The following VPS35 variants were observed in gnomAD, a reference collection of about 807,000 sequenced individuals.
The protein encoded by VPS35 is vacuolar protein sorting-associated protein 35.
A neutral mutation model predicts 98.1 loss-of-function variants in VPS35; 21 were observed. The ratio of observed to expected loss-of-function variants is 0.21; its 90% CI spans 0.15 to 0.31. The LOEUF is 0.31. Among genes scored for constraint, VPS35 ranks in the 10% least tolerant of loss-of-function variants. The pLI is 1.00. For missense variants in VPS35, 554 were observed against 950.8 expected (o/e 0.58, Z 5.49); for synonymous variants, 268 against 318.2 (o/e 0.84, Z 1.68).
intron 1 of VPS35, among the ~76,000 whole-genome samples, chr16:46,685,136 T>C (rs903611824): frequency 1.3e-5 from 2 of 152,344 alleles, no homozygotes; most frequent in Non-Finnish European, 1.5e-5. Context: ...ACTTTATAAA[T>C]TGTTCACTTT....
chr16:46,667,992 G>A (rs1486359524), intron 13 of VPS35, among the ~76,000 whole-genome samples: 5 of 152,104 alleles, frequency 3.3e-5, no homozygotes, highest in African/African-American at 9.7e-5. Flanking sequence ...ATCCATAAAC[G>A]CTGGTAAAGA....
Position 46,676,637 on chromosome 16 carries a change from G to A in VPS35, c.860C>T (p.Ala287Val). 1 of 1,613,198 alleles carries A rather than the reference G, an allele frequency of 6.2e-7. No homozygotes were observed. Among genetic ancestry groups the A allele is most frequent in the Admixed American group, 1.7e-5 (1 of 59,988 alleles). The change falls in exon 8 of 17, where the codon GCT becomes GTT. Residue 287 changes from alanine to valine, a missense_variant. By Grantham distance (64) the Ala-to-Val change is moderately conservative. Around this residue, in one of 5 missense-constraint regions of VPS35, gnomAD observed 254 missense variants for 390.1 expected, o/e 0.65. Coordinates refer to ENST00000299138, the MANE Select transcript of VPS35 (RefSeq NM_018206.6). ...QTLNPFLRAC[A>V]ELHQNVNVKN... The stretch of plus-strand genomic sequence containing the variant: ...CACATTTACATTCTGGTGTAACTCA[G>A]CACAGGCCCGAAGAAAAGGATTCAA...
rs1966084391 is a variant in VPS35, at chr16:46,672,488, C to A, written c.1161-16G>T. On this transcript the variant is annotated splice_polypyrimidine_tract_variant and intron_variant, in intron 10 of 16. Coordinates refer to ENST00000299138, the MANE Select transcript of VPS35 (RefSeq NM_018206.6). ...GGTAGCAATACTACAAAAAGAAAAA[C>A]AGAAGTCTTAATGAATAAAATTAAC... is the stretch of plus-strand genomic sequence containing the variant. 1 of 1,605,106 alleles carries A rather than the reference C, an allele frequency of 6.2e-7. No homozygotes were observed. Among genetic ancestry groups the A allele is most frequent in the Non-Finnish European group, 8.5e-7 (1 of 1,173,800 alleles).
At position 46,674,332 on chromosome 16, in the gene VPS35, T is replaced by A. The variant is rs754978683; in HGVS notation, c.1142A>T (p.Asn381Ile). Residue 381 changes from asparagine (N) to isoleucine (I), a missense_variant, in exon 10 of 17, where the codon AAT becomes ATT. By Grantham distance (149) the Asn-to-Ile change is moderately radical. Around this residue, in one of 5 missense-constraint regions of VPS35, gnomAD observed 254 missense variants for 390.1 expected, o/e 0.65. Transcript: ENST00000299138. ...KVLETTVEIFNKLNLEHIATS... is the reference protein window; with the variant it reads ...KVLETTVEIFIKLNLEHIATS... ...GACTTACTGTTCAAGGTTGAGCTTA[T>A]TGAATATCTCCACTGTTGTTTCTAG... is the stretch of plus-strand genomic sequence containing the variant. 3 of 1,614,104 alleles carry A rather than the reference T, an allele frequency of 1.9e-6. No homozygotes were observed. Among genetic ancestry groups the A allele is most frequent in the Non-Finnish European group, 2.5e-6 (3 of 1,180,004 alleles).
intron 1 of VPS35, among the ~76,000 whole-genome samples, chr16:46,684,113 T>C (rs571646292): frequency 6.6e-6 from 1 of 152,332 alleles, no homozygotes; most frequent in East Asian, 1.9e-4. Context: ...GAGAATAGTA[T>C]GTGTACAAAG....
chr16:46,672,677 AT>A (rs1279607558), intron 10 of VPS35, among the ~76,000 whole-genome samples: 5 of 152,130 alleles, frequency 3.3e-5, no homozygotes, highest in Admixed American at 2.6e-4. Context: ...TTCATCTATT[AT>A]TTTTCTGTTG....
chr16:46,668,572 AT>A (rs1966022539), intron 13 of VPS35, among the ~76,000 whole-genome samples: 1 of 152,138 alleles, frequency 6.6e-6, no homozygotes, highest in African/African-American at 2.4e-5. Context: ...CACAACTCAT[AT>A]TATTCAATGA....
Position 46,680,712 on chromosome 16 carries a change from C to G in VPS35, c.465G>C (p.Gln155His). 6.2e-7 allele frequency: 1 copy of G among 1,613,968 alleles called. No homozygotes were observed. The highest frequency in any genetic ancestry group is 8.5e-7 in the Non-Finnish European group (1 of 1,179,938). Reference protein sequence around the residue: ...RGLFLRNYLLQCTRNILPDEG... With the variant: ...RGLFLRNYLLHCTRNILPDEG... ...CATCAGGTAAGATATTTCTGGTACA[C>G]TGAAGAAGGTAATTTCGAAGAAACA... Residue 155 changes from glutamine to histidine, a missense_variant, in exon 5 of 17, where the codon CAG becomes CAC. This residue lies in a region of VPS35 where 77 missense variants were observed against 222.3 expected (regional missense o/e 0.35). Coordinates refer to ENST00000299138, the MANE Select transcript of VPS35 (RefSeq NM_018206.6).
intron 13 of VPS35, among the ~76,000 whole-genome samples, chr16:46,668,264 G>A (rs1966017642): frequency 6.6e-6 from 1 of 152,082 alleles, no homozygotes; most frequent in Non-Finnish European, 1.5e-5. Context: ...GCATGGTGGT[G>A]CACACCTGTA....
intron 12 of VPS35, among the ~76,000 whole-genome samples, chr16:46,671,031 T>A (rs1170268758): frequency 1.3e-5 from 2 of 151,982 alleles, no homozygotes; most frequent in East Asian, 3.8e-4. Flanking sequence ...TATCGGTCAC[T>A]GATACACCTA....
At chr16:46,676,203 C>T (rs755884739) in intron 8 of VPS35, among the ~76,000 whole-genome samples, 1 of 151,760 alleles carries the variant, frequency 6.6e-6, no homozygotes, top group Non-Finnish European at 1.5e-5. Context: ...CAGTATCTTA[C>T]GGCTACTCTA....
chr16:46,673,440 A>G (rs1966096652), intron 10 of VPS35: 1 of 152,286 alleles, frequency 6.6e-6, no homozygotes, highest in African/African-American at 2.4e-5. Context: ...AGAAAGGAGG[A>G]AGATTACATG....
At chr16:46,667,997 T>G (rs948146276) in intron 13 of VPS35, among the ~76,000 whole-genome samples, 8 of 152,306 alleles carry the variant, frequency 5.3e-5, no homozygotes, top group African/African-American at 1.9e-4. Flanking sequence ...TAAACGCTGG[T>G]AAAGAGTGAA....
At chr16:46,669,359 T>C (rs1244399632) in intron 12 of VPS35, 2 of 373,364 alleles carry the variant, frequency 5.4e-6, no homozygotes, top group East Asian at 1.4e-4. Flanking sequence ...CAAAGTATGC[T>C]GCACTGATAA....
intron 12 of VPS35, among the ~76,000 whole-genome samples, chr16:46,669,872 C>G (rs1966043267): frequency 6.6e-6 from 1 of 152,090 alleles, no homozygotes; most frequent in African/African-American, 2.4e-5. Context: ...CACTACTTAG[C>G]ACAAGGCATA....
intron 11 of VPS35, 97 bp downstream of exon 11, chr16:46,672,168 G>T: frequency 2.0e-6 from 2 of 1,025,088 alleles, no homozygotes; most frequent in Non-Finnish European, 3.0e-6. Context: ...ATTTTATTTA[G>T]TATTGAATTA....
chr16:46,677,676 C>A, intron 6 of VPS35: 1 of 413,302 alleles, frequency 2.4e-6, no homozygotes, highest in East Asian at 5.2e-5. Context: ...GCTGGGACTA[C>A]AGGTACGTTC....
rs3040555 is a variant in VPS35 at position 46,681,032 on chromosome 16, TAC to T, written c.324-181_324-180del. On this transcript the variant is annotated intron_variant, in intron 4 of 16. Transcript: ENST00000299138. ...CACTGACTGACCTCTAAAAAAACTA[TAC>T]ACACACACACACACACACACACACA... Among the ~76,000 whole-genome samples, 961 of 142,068 alleles carry T rather than the reference TAC, an allele frequency of 6.8e-3. 32 individuals are homozygous for T. The highest frequency in any genetic ancestry group is 0.055 in the Admixed American group (779 of 14,096). The allele number at this position is 142,068 out of a possible 152,430, so 93.2% of individuals were successfully genotyped here. A position where few individuals can be genotyped will look rare whatever the true frequency, so the allele number is the denominator to read the frequency against.
intron 5 of VPS35, 27 bp from the exon 6 acceptor site, chr16:46,679,183 A>G: frequency 6.4e-7 from 1 of 1,561,818 alleles, no homozygotes; most frequent in Non-Finnish European, 8.7e-7. Context: ...AAGTCTTTAC[A>G]CAGTATTTAC....
Sources: gnomAD v4.1 joint callset for allele counts (sites outside exome capture counted in the v4.1 genomes callset) on GRCh38, gnomAD v4.1.1 for gene constraint, gnomAD v4.1.1 regional missense constraint, MANE v1.5 for transcripts, NCBI Gene and HGNC (gene_info 2026-07-23, HGNC 2026-07-21) for gene names.